ROS1: variants seen among roughly 807,000 people sequenced by gnomAD.
The protein encoded by ROS1 is ROS proto-oncogene 1, receptor tyrosine kinase, also known as proto-oncogene tyrosine-protein kinase ROS.
Under a neutral mutation model 273.5 loss-of-function variants are expected in ROS1, and 263 were observed. The ratio of observed to expected loss-of-function variants is 0.96; its 90% confidence interval spans 0.87 to 1.06. The LOEUF (loss-of-function observed/expected upper bound fraction) is 1.06, where lower values mean the gene tolerates loss of function less well. ROS1 is among the 50% of genes least tolerant of loss of function. The pLI is 0.00. For synonymous variants in ROS1, 1,008 were observed against 954.1 expected (o/e 1.06, Z -1.04); for missense variants, 2,833 against 2,751.1 (o/e 1.03, Z -0.67).
intron 7 of ROS1, 77 bp from the exon 8 acceptor site, chr6:117,397,193 C>A (rs1169085130): frequency 9.4e-6 from 9 of 960,354 alleles, no homozygotes; most frequent in African/African-American, 3.4e-5. Flanking sequence ...GGAAAAAAGT[C>A]TTGTTTTTTT....
At chr6:117,385,902 T>C (rs369024583) in intron 15 of ROS1, 41 bp from the exon 16 acceptor site, 5 of 1,546,072 alleles carry the variant, frequency 3.2e-6, no homozygotes, top group Middle Eastern at 1.9e-4. Flanking sequence ...TTTTCATACA[T>C]ACCAACAAAA....
At chr6:117,407,511 T>C (rs539910543) in intron 5 of ROS1, among the ~76,000 whole-genome samples, 17 of 152,286 alleles carry the variant, frequency 1.1e-4, no homozygotes, top group Admixed American at 8.5e-4. Context: ...CTGTACCTTT[T>C]ACAAATTTCT....
chr6:117,413,265 T>A (rs1775070144), intron 4 of ROS1, among the ~76,000 whole-genome samples: 1 of 152,214 alleles, frequency 6.6e-6, no homozygotes, highest in Admixed American at 6.5e-5. Context: ...ACATAGGTTT[T>A]AAAGTTTTTT....
chr6:117,381,415 A>G (rs755701401), intron 17 of ROS1, among the ~76,000 whole-genome samples: 20 of 151,714 alleles, frequency 1.3e-4, no homozygotes, highest in Non-Finnish European at 2.8e-4. Flanking sequence ...CTGAGTCTCC[A>G]AAGTCTATTA....
intron 22 of ROS1, among the ~76,000 whole-genome samples, chr6:117,361,050 A>G (rs1213243027): frequency 6.6e-6 from 1 of 152,106 alleles, no homozygotes; most frequent in Non-Finnish European, 1.5e-5. Context: ...ACAACTACTA[A>G]GAGTAGAAAC....
chr6:117,376,342 G>A (rs773715922), intron 18 of ROS1, among the ~76,000 whole-genome samples: 1 of 152,076 alleles, frequency 6.6e-6, no homozygotes, highest in Non-Finnish European at 1.5e-5. Flanking sequence ...ATCCTTAAAA[G>A]ATGCTGAATT....
intron 18 of ROS1, among the ~76,000 whole-genome samples, chr6:117,373,018 A>G (rs1309088540): frequency 6.6e-6 from 1 of 152,228 alleles, no homozygotes; most frequent in East Asian, 1.9e-4. Context: ...TGAGCTAAAC[A>G]CAGAGTGCTG....
rs774580552 is a variant in ROS1, at chr6:117,365,711, G to A, written c.2828C>T (p.Pro943Leu). The change falls in exon 20 of 44, where the codon CCA becomes CTA. Residue 943 changes from proline (P) to leucine (L), a missense_variant. Physicochemically the swap from Pro to Leu is moderately conservative, Grantham distance 98. Coordinates refer to ENST00000368507, the MANE Select transcript of ROS1 (RefSeq NM_001378902.1). The part of the protein sequence containing the change: ...GNFSFTPKVI[P>L]DSVQESSFRI... ...AAATGAAGACTCTTGAACAGAATCTGGAATAACCTTAGGGGTAAAGGAAAA... is the reference window on the plus strand; with the variant it reads ...AAATGAAGACTCTTGAACAGAATCTAGAATAACCTTAGGGGTAAAGGAAAA... 5.6e-6 allele frequency: 9 copies of A among 1,600,966 alleles called. No individual in the cohort carries two copies. The African/African-American group carries it at 1.1e-4, about 19-fold the overall frequency.
At position 117,404,300 on chromosome 6, in the gene ROS1, C is replaced by T. The variant is rs2128726365; in HGVS notation, c.445G>A (p.Gly149Arg). The part of the protein sequence containing the change: ...IIQWKYAQLL[G>R]SWTYTKTVSR... ...CATACCTTAGTATAAGTCCAGCTTC[C>T]CAGAAGTTGTGCATATTTCCACTGA... The change falls in exon 6 of 44, where the codon GGA (glycine) becomes AGA (arginine). Residue 149 changes from glycine to arginine, a missense_variant. Physicochemically the swap from Gly to Arg is moderately radical, Grantham distance 125. Transcript: ENST00000368507. 2.5e-6 allele frequency: 4 copies of T among 1,613,904 alleles called. No individual in the cohort carries two copies. The highest frequency in any genetic ancestry group is 3.4e-6 in the Non-Finnish European group (4 of 1,179,922).
chr6:117,343,984 C>A, intron 28 of ROS1, 76 bp downstream of exon 28: 2 of 1,265,234 alleles, frequency 1.6e-6, no homozygotes, highest in South Asian at 2.6e-5. Flanking sequence ...ATAGGAAATA[C>A]TTTACTATGG....
At chr6:117,360,725 A>G (rs955334209) in intron 22 of ROS1, among the ~76,000 whole-genome samples, 16 of 152,276 alleles carry the variant, frequency 1.1e-4, no homozygotes, top group African/African-American at 3.8e-4. Context: ...AATTAATTCA[A>G]TTGTGATAAT....
chr6:117,324,568 TACAG>T (rs1410628174), intron 34 of ROS1, among the ~76,000 whole-genome samples, 153 bp from the exon 35 acceptor site: 2 of 152,230 alleles, frequency 1.3e-5, no homozygotes, highest in East Asian at 3.9e-4. Flanking sequence ...AAAGCATCCA[TACAG>T]ACAGTGTTTA....
intron 17 of ROS1, among the ~76,000 whole-genome samples, chr6:117,379,990 G>A (rs1177403014): frequency 6.6e-6 from 1 of 152,088 alleles, no homozygotes; most frequent in East Asian, 1.9e-4. Context: ...GATGAGGCCT[G>A]ATGGCACAGA....
At chr6:117,402,125 C>G (rs1387816272) in intron 7 of ROS1, among the ~76,000 whole-genome samples, 2 of 152,162 alleles carry the variant, frequency 1.3e-5, no homozygotes, top group Non-Finnish European at 2.9e-5. Context: ...CAGTGACTCT[C>G]CTTCCAGAAT....
intron 18 of ROS1, among the ~76,000 whole-genome samples, chr6:117,378,293 G>A (rs575476029): frequency 6.6e-6 from 1 of 152,244 alleles, no homozygotes; most frequent in East Asian, 1.9e-4. Flanking sequence ...TGGATACACA[G>A]ACAGTGGTAT....
Position 117,353,159 on chromosome 6 carries a change from G to T in ROS1, c.4134C>A (p.Thr1378=), listed in dbSNP as rs1157793441. 2.5e-6 allele frequency: 4 copies of T among 1,598,078 alleles called. No individual in the cohort carries two copies. Among genetic ancestry groups the T allele is most frequent in the Non-Finnish European group, 3.4e-6 (4 of 1,171,864 alleles). The change falls in exon 27 of 44, where the codon ACC becomes ACA. Residue 1378 remains threonine, a synonymous_variant. Coordinates refer to ENST00000368507, the MANE Select transcript of ROS1 (RefSeq NM_001378902.1). ...VITVPAMLGK[T]LVSLTVDGDL... ...CTCCATCCACAGTTAAGCTAACAAG[G>T]GTTTTTCCTGCTGTTAAAAACATAA...
chr6:117,294,496 G>A (rs750095484), intron 43 of ROS1, among the ~76,000 whole-genome samples: 3 of 152,072 alleles, frequency 2.0e-5, no homozygotes, highest in Non-Finnish European at 2.9e-5. Context: ...TTTTTCATGT[G>A]TTCTTGGATT....
At chr6:117,345,546 G>A (rs1308385144) in intron 27 of ROS1, among the ~76,000 whole-genome samples, 1 of 152,116 alleles carries the variant, frequency 6.6e-6, no homozygotes, top group East Asian at 1.9e-4. Context: ...CATATATTAG[G>A]TATTTAGTAT....
At chr6:117,408,959 C>T (rs1288749650) in intron 5 of ROS1, among the ~76,000 whole-genome samples, 1 of 150,390 alleles carries the variant, frequency 6.6e-6, no homozygotes, top group Admixed American at 6.7e-5. Flanking sequence ...CAAACTATCG[C>T]GAGGACAAAA....
Sources: gnomAD v4.1 joint callset for allele counts (sites outside exome capture counted in the v4.1 genomes callset) on GRCh38, gnomAD v4.1.1 for gene constraint, MANE v1.5 for transcripts, NCBI Gene and HGNC (gene_info 2026-07-23, HGNC 2026-07-21) for gene names.